Variants in MYO5B observed in about 807,000 individuals in gnomAD.
MYO5B encodes myosin VB, also known as unconventional myosin-Vb.
MYO5B carries 143 observed loss-of-function variants against 229.3 expected under a neutral mutation model. The observed-to-expected ratio is 0.62, with a 90% CI of 0.54 to 0.72. MYO5B has a LOEUF of 0.72. Ranked by LOEUF, MYO5B falls within the 30% of genes least tolerant of loss-of-function variation. The pLI, the probability that MYO5B is intolerant of heterozygous loss-of-function variation, is 0.00. For synonymous variants in MYO5B, 918 were observed against 885.2 expected, an observed-to-expected ratio of 1.04 and a Z score of -0.66; for missense variants, 2,321 against 2,331.0, an observed-to-expected ratio of 1.00 and a Z score of 0.09.
intron 4 of MYO5B, among the ~76,000 whole-genome samples, chr18:50,025,784 C>T (rs1042574175): frequency 3.3e-4 from 50 of 152,102 alleles, no homozygotes; most frequent in Non-Finnish European, 5.0e-4. Context: ...AGCAGGGGCC[C>T]GTGGGACAGC....
At chr18:50,122,637 GAGAGAGAGAGAGAGAGAGAGAGAGA>G (rs2032085396) in intron 1 of MYO5B, among the ~76,000 whole-genome samples, 1 of 1,390 alleles carries the variant, frequency 7.2e-4, no homozygotes, top group African/African-American at 1.2e-3. Context: ...GGGGGGGGGA[GAGAGAGAGAGAGAGAGAGAGAGAGA>G]GAGAGAGAGA....
intron 1 of MYO5B, among the ~76,000 whole-genome samples, chr18:50,148,939 T>C (rs1228474113): frequency 1.3e-5 from 2 of 152,162 alleles, no homozygotes; most frequent in Non-Finnish European, 2.9e-5. Flanking sequence ...AAAACCCCAC[T>C]GTCTCAGCCC....
intron 4 of MYO5B, among the ~76,000 whole-genome samples, chr18:50,008,856 T>G (rs1434181313): frequency 6.6e-6 from 1 of 152,232 alleles, no homozygotes; most frequent in Non-Finnish European, 1.5e-5. Context: ...GCTTCTTGTC[T>G]GTGTCTACAT....
chr18:50,087,641 C>T (rs1225980147), intron 1 of MYO5B, among the ~76,000 whole-genome samples: 1 of 151,750 alleles, frequency 6.6e-6, no homozygotes, highest in Non-Finnish European at 1.5e-5. Flanking sequence ...TGTTTAACCG[C>T]CTGTGTCTGT....
chr18:50,163,527 A>C (rs1034899065), intron 1 of MYO5B, among the ~76,000 whole-genome samples: 22 of 152,206 alleles, frequency 1.4e-4, no homozygotes, highest in African/African-American at 5.3e-4. Context: ...CCTGGGGCAC[A>C]CAATCTTAGT....
At chr18:50,096,933 G>A (rs2031563532) in intron 1 of MYO5B, among the ~76,000 whole-genome samples, 3 of 152,154 alleles carry the variant, frequency 2.0e-5, no homozygotes, top group Admixed American at 1.3e-4. Flanking sequence ...CAACACCTGG[G>A]CCAGCAGACC....
intron 1 of MYO5B, among the ~76,000 whole-genome samples, chr18:50,120,745 G>A (rs768847373): frequency 7.9e-5 from 12 of 152,112 alleles, no homozygotes; most frequent in Non-Finnish European, 1.6e-4. Context: ...CTTGTGCCAG[G>A]GTAAAAGGCT....
intron 23 of MYO5B, among the ~76,000 whole-genome samples, chr18:49,879,903 G>A (rs1292183739): frequency 1.3e-5 from 2 of 152,210 alleles, no homozygotes; most frequent in African/African-American, 2.4e-5. Flanking sequence ...ACCATGATGC[G>A]TGGATGGACA....
At chr18:50,103,850 G>A (rs16951532) in intron 1 of MYO5B, among the ~76,000 whole-genome samples, 36,079 of 151,846 alleles carry the variant, frequency 0.24, 5,226 homozygotes, top group African/African-American at 0.41. Context: ...ATAATTTGCC[G>A]TCAAGCACAT....
At chr18:49,894,861 G>T in intron 22 of MYO5B, 80 bp downstream of exon 22, 2 of 1,222,582 alleles carry the variant, frequency 1.6e-6, no homozygotes, top group Non-Finnish European at 2.4e-6. Flanking sequence ...ACCACTTGAA[G>T]CAGCAGTGCT....
intron 9 of MYO5B, among the ~76,000 whole-genome samples, chr18:49,980,093 G>A (rs1039589404): frequency 6.6e-6 from 1 of 152,128 alleles, no homozygotes; most frequent in Non-Finnish European, 1.5e-5. Context: ...ACAGTGCCCT[G>A]TGCCCTTTCA....
chr18:50,128,486 C>T (rs2032202375), intron 1 of MYO5B, among the ~76,000 whole-genome samples: 1 of 152,148 alleles, frequency 6.6e-6, no homozygotes. Context: ...CGTAGAAAAG[C>T]CTGGAGCCCA....
In MYO5B at chr18:50,037,435, T is replaced by A. The variant is rs572310363; in HGVS notation, c.311-441A>T. 1.8e-4 allele frequency among the ~76,000 whole-genome samples: 28 copies of A among 152,320 alleles called. No individual in the cohort carries two copies. The South Asian group carries it at 3.7e-3, about 20-fold the overall frequency. ...TTGGTTATCTTAACTAAAATACAAA[T>A]AACATGCGGACAGAGAATACAATTT... On this transcript the variant is annotated intron_variant, in intron 3 of 39. Coordinates refer to ENST00000285039, the MANE Select transcript of MYO5B (RefSeq NM_001080467.3).
chr18:49,848,255 T>C (rs963193943), intron 32 of MYO5B, among the ~76,000 whole-genome samples: 2 of 151,632 alleles, frequency 1.3e-5, no homozygotes, highest in Admixed American at 1.3e-4. Context: ...CTGGTGGTGA[T>C]GGGCTGGAAG....
At chr18:49,958,435 C>T (rs576085969) in intron 12 of MYO5B, among the ~76,000 whole-genome samples, 16 of 152,310 alleles carry the variant, frequency 1.1e-4, no homozygotes, top group African/African-American at 3.6e-4. Context: ...GCAGATGCCT[C>T]GTCTCTTCCT....
In MYO5B at chr18:49,992,407, G is replaced by A. The variant is rs371567612; in HGVS notation, c.637C>T (p.Arg213Cys). Residue 213 changes from arginine to cysteine, a missense_variant, in exon 6 of 40, where the codon CGC (arginine) becomes TGC (cysteine). Coordinates refer to ENST00000285039, the MANE Select transcript of MYO5B (RefSeq NM_001080467.3). ...MEAIGNAKTT[R>C]NDNSSRFGKY... is the part of the protein sequence containing the mutation. Reference sequence around the variant, plus strand: ...CCAAAACGGCTGCTGTTGTCATTGCGGGTGGTCTTGGCATTTCCAATGGCC... The same window carrying A: ...CCAAAACGGCTGCTGTTGTCATTGCAGGTGGTCTTGGCATTTCCAATGGCC... 3.1e-5 allele frequency: 50 copies of A among 1,613,958 alleles called. No individual in the cohort carries two copies. The highest frequency in any genetic ancestry group is 9.9e-5 in the South Asian group (9 of 91,072).
At chr18:50,151,769 G>T (rs1457364453) in intron 1 of MYO5B, among the ~76,000 whole-genome samples, 1 of 152,074 alleles carries the variant, frequency 6.6e-6, no homozygotes, top group African/African-American at 2.4e-5. Context: ...CCTGGAGTCT[G>T]TACTCGGATG....
intron 14 of MYO5B, among the ~76,000 whole-genome samples, chr18:49,941,931 T>C (rs2025318426): frequency 7.8e-6 from 1 of 128,760 alleles, no homozygotes; most frequent in African/African-American, 3.1e-5. Context: ...CAAACTATAC[T>C]ATAAGGCTAC....
intron 1 of MYO5B, among the ~76,000 whole-genome samples, chr18:50,192,245 G>T (rs946622776): frequency 1.3e-5 from 2 of 152,208 alleles, no homozygotes; most frequent in Admixed American, 6.5e-5. Context: ...GCTGCACCCA[G>T]ATCAACTGCA....
Sources: allele counts gnomAD v4.1 joint callset (sites outside exome capture counted in the v4.1 genomes callset), GRCh38; gene constraint gnomAD v4.1.1; transcripts MANE v1.5; gene names NCBI Gene and HGNC (gene_info 2026-07-23, HGNC 2026-07-21).